Variants in KCNN2 observed in about 807,000 individuals in gnomAD.
KCNN2 encodes potassium calcium-activated channel subfamily N member 2, also known as small conductance calcium-activated potassium channel protein 2.
Under a neutral mutation model 55.5 loss-of-function variants are expected in KCNN2, and 24 were observed. The observed-to-expected ratio is 0.43, with a 90% CI of 0.31 to 0.61. The LOEUF is 0.61. KCNN2 is among the 20% of genes least tolerant of loss of function. KCNN2 has a pLI of 0.08. For synonymous variants in KCNN2, 431 were observed against 336.1 expected (o/e 1.28, Z -3.09); for missense variants, 754 against 853.6 (o/e 0.88, Z 1.45).
At chr5:114,252,561 G>A (rs937792375) in intron 2 of KCNN2, among the ~76,000 whole-genome samples, 1 of 151,834 alleles carries the variant, frequency 6.6e-6, no homozygotes, top group Admixed American at 6.6e-5. Flanking sequence ...GAGCAATGAG[G>A]CCCTTAGTTT....
chr5:114,444,441 A>G lies in KCNN2; in HGVS notation c.1638-18608A>G, dbSNP rs1429263204. Among the ~76,000 whole-genome samples, 4 of 152,262 alleles carry G rather than the reference A, an allele frequency of 2.6e-5. No homozygotes were observed. The East Asian group carries it at 7.7e-4, about 29-fold the overall frequency. On this transcript the variant is annotated intron_variant, in intron 3 of 7. Transcript: ENST00000673685. ...AGAATCCTGGAGGGGTAAGAGCAAT[A>G]TATGCCCCATGAATTGAAACTACTT...
intron 2 of KCNN2, among the ~76,000 whole-genome samples, chr5:114,330,926 T>A (rs1756808465): frequency 6.6e-6 from 1 of 152,236 alleles, no homozygotes. Flanking sequence ...TCAATGTTTA[T>A]TAAGTAGATG....
At chr5:114,348,311 T>C (rs910687922) in intron 2 of KCNN2, among the ~76,000 whole-genome samples, 3 of 149,100 alleles carry the variant, frequency 2.0e-5, no homozygotes, top group African/African-American at 4.9e-5. Flanking sequence ...TTAGGAGATA[T>C]ACCTAATGCT....
chr5:114,278,174 AG>A (rs1755531752), intron 2 of KCNN2, among the ~76,000 whole-genome samples: 1 of 152,148 alleles, frequency 6.6e-6, no homozygotes, highest in Admixed American at 6.5e-5. Flanking sequence ...TCACCAGTGG[AG>A]GCTGCAGAAC....
At chr5:114,408,448 G>A (rs889942519) in intron 3 of KCNN2, among the ~76,000 whole-genome samples, 2 of 151,992 alleles carry the variant, frequency 1.3e-5, no homozygotes, top group African/African-American at 4.8e-5. Flanking sequence ...TGCCATTTGA[G>A]GGATTAACGT....
At chr5:114,347,015 C>T in intron 2 of KCNN2, among the ~76,000 whole-genome samples, 1 of 152,132 alleles carries the variant, frequency 6.6e-6, no homozygotes, top group East Asian at 1.9e-4. Flanking sequence ...TAGAATAAAA[C>T]ACCCATTACC....
At chr5:114,127,515 A>T (rs1751963546) in intron 1 of KCNN2, among the ~76,000 whole-genome samples, 1 of 152,138 alleles carries the variant, frequency 6.6e-6, no homozygotes. Flanking sequence ...TAGGCTGCAC[A>T]CAGCAGGGGA....
intron 5 of KCNN2, among the ~76,000 whole-genome samples, chr5:114,480,519 T>G (rs145900573): frequency 6.6e-6 from 1 of 152,254 alleles, no homozygotes; most frequent in African/African-American, 2.4e-5. Flanking sequence ...GAGGCAAGCA[T>G]CATCCTGATA....
chr5:114,126,058 C>A (rs1751924743), intron 1 of KCNN2, among the ~76,000 whole-genome samples: 1 of 152,046 alleles, frequency 6.6e-6, no homozygotes, highest in Non-Finnish European at 1.5e-5. Context: ...TACATAACAC[C>A]AATCTTCCAT....
chr5:114,362,609 ACCACCAGTG>A lies in KCNN2; in HGVS notation c.475_483del (p.Gln159_His161del). The A allele has an allele frequency of 1.1e-6, 1 of 900,972 alleles. No homozygotes were observed. Among genetic ancestry groups the A allele is most frequent in the Non-Finnish European group, 1.6e-6 (1 of 622,576 alleles). The allele number at this position is 900,972 out of a possible 1,614,324, so 55.8% of individuals were successfully genotyped here. A position where few individuals can be genotyped will look rare whatever the true frequency, so the allele number is the denominator to read the frequency against. ...CAGCAGTCGGCGTCCGCCTCCCAGT[ACCACCAGTG>A]CCACAGCCTGCAGCCCGCCGCCAGC... On this transcript the variant is annotated inframe_deletion, in exon 1 of 8. Transcript: ENST00000673685.
At position 114,372,146 on chromosome 5, in the gene KCNN2, C is replaced by T. The variant is rs113296411; in HGVS notation, c.1218+8145C>T. Among the ~76,000 whole-genome samples, 1,021 of 152,260 alleles carry T rather than the reference C, an allele frequency of 6.7e-3. 14 individuals carry two copies. Among genetic ancestry groups the T allele is most frequent in the African/African-American group, 0.022 (913 of 41,552 alleles). On this transcript the variant is annotated intron_variant, in intron 2 of 7. Transcript: ENST00000673685. ...ATCTATGGAATTGGCAAGACTCCAG[C>T]GTTTAAATTGGTGCTAGATTCTGTT...
intron 1 of KCNN2, among the ~76,000 whole-genome samples, chr5:114,118,798 C>T (rs1353691535): frequency 6.6e-6 from 1 of 152,080 alleles, no homozygotes; most frequent in Admixed American, 6.6e-5. Context: ...TTAAGCAAAA[C>T]CAAAACCACA....
chr5:114,138,847 T>C (rs1274002246), intron 1 of KCNN2, among the ~76,000 whole-genome samples: 1 of 152,182 alleles, frequency 6.6e-6, no homozygotes, highest in Non-Finnish European at 1.5e-5. Flanking sequence ...GGTTAGAAGC[T>C]ACCAATTTTC....
chr5:114,177,512 T>A (rs977697736), intron 1 of KCNN2, among the ~76,000 whole-genome samples: 2 of 151,592 alleles, frequency 1.3e-5, no homozygotes, highest in African/African-American at 4.8e-5. Context: ...TATATATATA[T>A]TTTTTCCATT....
At chr5:114,425,848 G>A (rs1185429895) in intron 3 of KCNN2, among the ~76,000 whole-genome samples, 1 of 151,936 alleles carries the variant, frequency 6.6e-6, no homozygotes, top group African/African-American at 2.4e-5. Flanking sequence ...CTGTTCCCAT[G>A]GTCAGGTCCC....
intron 3 of KCNN2, among the ~76,000 whole-genome samples, chr5:114,434,378 C>T (rs192768374): frequency 3.0e-4 from 46 of 152,228 alleles, no homozygotes; most frequent in African/African-American, 1.1e-3. Flanking sequence ...TTTATTCTTG[C>T]GTGCTGCCTC....
chr5:114,205,109 C>T (rs1045968358), intron 1 of KCNN2, among the ~76,000 whole-genome samples: 6 of 151,792 alleles, frequency 4.0e-5, no homozygotes, highest in Admixed American at 2.6e-4. Flanking sequence ...CAATAAGTCA[C>T]TCCTGTGTTT....
chr5:114,317,054 CA>C (rs1183968051), intron 2 of KCNN2, among the ~76,000 whole-genome samples: 1 of 152,116 alleles, frequency 6.6e-6, no homozygotes, highest in Non-Finnish European at 1.5e-5. Context: ...AGCTTTTTCC[CA>C]GATTTTTTTT....
intron 3 of KCNN2, among the ~76,000 whole-genome samples, chr5:114,424,649 C>T (rs1052215182): frequency 2.6e-5 from 4 of 152,182 alleles, no homozygotes; most frequent in African/African-American, 7.2e-5. Context: ...ACAGGAAAGC[C>T]AGCTGAGAGG....
Sources: allele counts gnomAD v4.1 joint callset (sites outside exome capture counted in the v4.1 genomes callset), GRCh38; gene constraint gnomAD v4.1.1; transcripts MANE v1.5; gene names NCBI Gene and HGNC (gene_info 2026-07-23, HGNC 2026-07-21).